The following ANKS1A variants were observed in gnomAD, a reference collection of about 807,000 sequenced individuals.
ANKS1A encodes the protein ankyrin repeat and SAM domain-containing protein 1A.
A neutral mutation model predicts 120.3 loss-of-function variants in ANKS1A; 55 were observed. That is an observed-to-expected ratio of 0.46 (90% CI 0.37 to 0.57). The LOEUF (loss-of-function observed/expected upper bound fraction) is 0.57. ANKS1A is among the 20% of genes least tolerant of loss of function. The probability of loss-of-function intolerance (pLI) is 0.00; values close to 1 mark genes in which losing one functional copy is unlikely to be tolerated. For synonymous variants in ANKS1A, 590 were observed against 604.7 expected, an observed-to-expected ratio of 0.98 and a Z score of 0.36; for missense variants, 1,123 against 1,480.3, an observed-to-expected ratio of 0.76 and a Z score of 3.96.
intron 13 of ANKS1A, among the ~76,000 whole-genome samples, chr6:35,067,951 G>A (rs986971629): frequency 2.8e-5 from 4 of 145,328 alleles, no homozygotes; most frequent in African/African-American, 1.0e-4. Context: ...GTGCAGTGGC[G>A]AAATCTCGGC....
At chr6:34,898,082 A>G (rs1469413144) in intron 1 of ANKS1A, among the ~76,000 whole-genome samples, 3 of 152,236 alleles carry the variant, frequency 2.0e-5, no homozygotes, top group East Asian at 3.8e-4. Context: ...TGCCTGGCAC[A>G]TGGCAAGGGT....
At chr6:35,004,270 G>A (rs1298653768) in intron 10 of ANKS1A, among the ~76,000 whole-genome samples, 1 of 152,102 alleles carries the variant, frequency 6.6e-6, no homozygotes, top group Non-Finnish European at 1.5e-5. Flanking sequence ...CACTATCTTG[G>A]TGTCTGAGGG....
chr6:34,994,563 G>A (rs1772750178), intron 10 of ANKS1A, 141 bp downstream of exon 10: 5 of 1,276,748 alleles, frequency 3.9e-6, no homozygotes, highest in Non-Finnish European at 1.1e-6. Flanking sequence ...TGGGATGGTG[G>A]GTCCATTATG....
At chr6:34,937,064 C>T (rs1343930767) in intron 1 of ANKS1A, among the ~76,000 whole-genome samples, 1 of 152,088 alleles carries the variant, frequency 6.6e-6, no homozygotes, top group Admixed American at 6.5e-5. Flanking sequence ...ATCCTTTTTA[C>T]TCTATTAAAC....
At chr6:34,922,376 A>G (rs1561849345) in intron 1 of ANKS1A, among the ~76,000 whole-genome samples, 1 of 152,170 alleles carries the variant, frequency 6.6e-6, no homozygotes, top group Non-Finnish European at 1.5e-5. Context: ...GTCACATTCC[A>G]AGTACTACAT....
In ANKS1A at chr6:35,085,308, C is replaced by G. The variant is rs145440038; in HGVS notation, c.3133-458C>G. Among the ~76,000 whole-genome samples, 1 of 152,194 alleles carries G rather than the reference C, an allele frequency of 6.6e-6. No homozygotes were observed. The highest frequency in any genetic ancestry group is 1.9e-4 in the East Asian group (1 of 5,198). The stretch of plus-strand genomic sequence containing the variant: ...CCACATACACTCAGTTCTGCTGTAA[C>G]GCCACACATACGCTCCTAACAATCA... On this transcript the variant is annotated intron_variant, in intron 21 of 23. Coordinates refer to ENST00000360359, the MANE Select transcript of ANKS1A (RefSeq NM_015245.3). This position sits in a 1 kb window ranked among gnomAD's most constrained non-coding sequence, Gnocchi z 4.7.
intron 11 of ANKS1A, among the ~76,000 whole-genome samples, chr6:35,042,848 A>G (rs1032522930): frequency 2.6e-5 from 4 of 152,224 alleles, no homozygotes; most frequent in African/African-American, 9.6e-5. Flanking sequence ...TTTCCTTCCC[A>G]TGGAGTGTTT....
chr6:35,017,271 A>C (rs1774068599), intron 10 of ANKS1A, among the ~76,000 whole-genome samples: 1 of 152,178 alleles, frequency 6.6e-6, no homozygotes, highest in Admixed American at 6.5e-5. Flanking sequence ...GACTTTGGGT[A>C]CAAATTGAAC....
At chr6:35,037,307 A>C (rs13210323) in intron 11 of ANKS1A, among the ~76,000 whole-genome samples, 46,133 of 152,084 alleles carry the variant, frequency 0.3, 7,648 homozygotes, top group East Asian at 0.68. Context: ...TTCTTCAGAC[A>C]CTCACAGAGA....
intron 13 of ANKS1A, among the ~76,000 whole-genome samples, chr6:35,072,148 A>G (rs1777115441): frequency 6.6e-6 from 1 of 152,278 alleles, no homozygotes; most frequent in African/African-American, 2.4e-5. Context: ...ATGGGCAGGA[A>G]GGCTCTGAAG....
Position 35,089,921 on chromosome 6 carries a change from G to A in ANKS1A, c.*1312G>A. ...TCAGGTCCCAGGATGAATAATCCAGGCTTCAGCAACACTCCTCTTTCCCAG... is the reference window on the plus strand; with the variant it reads ...TCAGGTCCCAGGATGAATAATCCAGACTTCAGCAACACTCCTCTTTCCCAG... On this transcript the variant is annotated 3_prime_UTR_variant, in exon 24 of 24. Transcript: ENST00000360359. The A allele has an allele frequency of 8.6e-7, 1 of 1,157,812 alleles. No homozygotes were observed. Among genetic ancestry groups the A allele is most frequent in the Non-Finnish European group, 1.1e-6 (1 of 925,788 alleles). The allele number at this position is 1,157,812 out of a possible 1,614,324, so 71.7% of individuals were successfully genotyped here. A position where few individuals can be genotyped will look rare whatever the true frequency, so the allele number is the denominator to read the frequency against.
rs1777882468 is a variant in ANKS1A, at chr6:35,084,883, C to T, written c.3132+625C>T. Among the ~76,000 whole-genome samples, 1 of 152,186 alleles carries T rather than the reference C, an allele frequency of 6.6e-6. No individual in the cohort carries two copies. Among genetic ancestry groups the T allele is most frequent in the Non-Finnish European group, 1.5e-5 (1 of 68,036 alleles). On this transcript the variant is annotated intron_variant, in intron 21 of 23. Transcript: ENST00000360359. This position sits in a 1 kb window ranked among gnomAD's most constrained non-coding sequence, Gnocchi z 4.8. ...AGGGAGCAGACCAGAACTGACAGCC[C>T]ACAGGCGGGGGTTCCCTCTAACCTG...
intron 1 of ANKS1A, among the ~76,000 whole-genome samples, chr6:34,961,984 TG>T (rs1360365919): frequency 6.6e-6 from 1 of 152,238 alleles, no homozygotes; most frequent in African/African-American, 2.4e-5. Flanking sequence ...GCAAATAATT[TG>T]TTTTTAGATT....
At chr6:34,895,200 T>TG (rs1315065483) in intron 1 of ANKS1A, among the ~76,000 whole-genome samples, 11 of 129,968 alleles carry the variant, frequency 8.5e-5, no homozygotes, top group Non-Finnish European at 1.1e-4. Flanking sequence ...CTTTGGTTTT[T>TG]TTTTTTTTTT....
intron 11 of ANKS1A, among the ~76,000 whole-genome samples, chr6:35,048,645 A>G (rs533720903): frequency 1.3e-5 from 2 of 152,344 alleles, no homozygotes; most frequent in East Asian, 3.9e-4. Context: ...TCAGATGTGG[A>G]ATCAAAGCCC....
intron 13 of ANKS1A, among the ~76,000 whole-genome samples, chr6:35,068,974 A>G (rs1054499249): frequency 5.9e-5 from 9 of 152,168 alleles, no homozygotes; most frequent in Non-Finnish European, 8.8e-5. Context: ...TGAACGTCCA[A>G]TGCAAGAGAG....
At chr6:34,929,667 A>G (rs1010467873) in intron 1 of ANKS1A, among the ~76,000 whole-genome samples, 5 of 152,178 alleles carry the variant, frequency 3.3e-5, no homozygotes, top group African/African-American at 9.7e-5. Context: ...CATGACTTTT[A>G]AATTATGAAG....
At position 35,017,641 on chromosome 6, in the gene ANKS1A, C is replaced by A. The variant is rs748921780; in HGVS notation, c.1592C>A (p.Ser531Tyr). 6.2e-7 allele frequency: 1 copy of A among 1,613,682 alleles called. No homozygotes were observed. Among genetic ancestry groups the A allele is most frequent in the Admixed American group, 1.7e-5 (1 of 60,010 alleles). The change falls in exon 11 of 24, where the codon TCC becomes TAC. Residue 531 changes from serine to tyrosine, a missense_variant. Ser to Tyr is a moderately radical substitution (Grantham distance 144). This residue lies in a region of ANKS1A where 904 missense variants were observed against 1,130.4 expected (regional missense o/e 0.80). Transcript: ENST00000360359. ...GCTGGCCAGAGCCATCCAGACGGGT[C>A]CCCCCAGCAGGGCGCCTGCCACAAG... is the stretch of plus-strand genomic sequence containing the variant. Reference protein sequence around the residue: ...CTAGQSHPDGSPQQGACHKAS... With the variant: ...CTAGQSHPDGYPQQGACHKAS...
intron 1 of ANKS1A, among the ~76,000 whole-genome samples, chr6:34,950,526 G>T (rs1263171281): frequency 6.6e-6 from 1 of 152,076 alleles, no homozygotes; most frequent in Non-Finnish European, 1.5e-5. Flanking sequence ...ACCGCGCCCG[G>T]CCAGGAAGAC....
Sources: gnomAD v4.1 joint callset for allele counts (sites outside exome capture counted in the v4.1 genomes callset) on GRCh38, gnomAD v4.1.1 for gene constraint, gnomAD v4.1.1 regional missense constraint, Gnocchi (gnomAD v3.1) non-coding constraint, MANE v1.5 for transcripts, NCBI Gene and HGNC (gene_info 2026-07-23, HGNC 2026-07-21) for gene names.